ELMO1: variants seen among roughly 807,000 people sequenced by gnomAD.
ELMO1 encodes engulfment and cell motility 1.
In ELMO1, 26 loss-of-function variants were observed where a neutral mutation model predicts 98.9. That is an observed-to-expected ratio of 0.26 (90% CI 0.19 to 0.36). ELMO1 has a LOEUF of 0.36. Among genes scored for constraint, ELMO1 ranks in the 10% least tolerant of loss-of-function variants. ELMO1 has a pLI of 1.00. For missense variants in ELMO1, 627 were observed against 935.2 expected (o/e 0.67, Z 4.30); for synonymous variants, 346 against 346.0 (o/e 1.00, Z 0.00).
intron 15 of ELMO1, among the ~76,000 whole-genome samples, chr7:37,022,533 A>G (rs911405983): frequency 6.6e-6 from 1 of 152,256 alleles, no homozygotes; most frequent in Non-Finnish European, 1.5e-5. Context: ...ACAATGAGCT[A>G]CTTTTAAACA....
chr7:36,861,762 C>A, intron 20 of ELMO1, 26 bp from the exon 21 acceptor site: 1 of 1,608,318 alleles, frequency 6.2e-7, no homozygotes, highest in South Asian at 1.1e-5. Context: ...GAAAACAGCA[C>A]CTTAAGGAAA....
chr7:37,040,145 CA>C (rs34126656), intron 15 of ELMO1, among the ~76,000 whole-genome samples: 18,827 of 152,024 alleles, frequency 0.12, 1,570 homozygotes, highest in African/African-American at 0.25. Context: ...CTACTTAATT[CA>C]AATTTAAATA....
At chr7:37,405,214 T>C (rs985699469) in intron 1 of ELMO1, among the ~76,000 whole-genome samples, 16 of 142,124 alleles carry the variant, frequency 1.1e-4, no homozygotes, top group African/African-American at 3.9e-4. Flanking sequence ...ACAACAACAA[T>C]GGGGAAAAAA....
At chr7:37,386,593 G>A (rs118070154) in intron 1 of ELMO1, among the ~76,000 whole-genome samples, 1 of 145,564 alleles carries the variant, frequency 6.9e-6, no homozygotes, top group South Asian at 2.3e-4. Flanking sequence ...CCACACTCAG[G>A]TCAGGTTTAG....
intron 10 of ELMO1, chr7:37,217,838 T>A (rs1025562738): frequency 2.4e-5 from 11 of 455,796 alleles, no homozygotes; most frequent in Non-Finnish European, 4.0e-5. Context: ...CTGTTAGAGG[T>A]TGACCACTGT....
intron 10 of ELMO1, among the ~76,000 whole-genome samples, chr7:37,220,655 C>A (rs780128459): frequency 6.6e-6 from 1 of 152,094 alleles, no homozygotes; most frequent in Admixed American, 6.5e-5. Flanking sequence ...CCTATTTGTC[C>A]ATGGTCATGA....
intron 21 of ELMO1, among the ~76,000 whole-genome samples, chr7:36,859,111 GAA>G (rs1562775504): frequency 6.6e-6 from 1 of 152,084 alleles, no homozygotes; most frequent in Admixed American, 6.6e-5. Context: ...CAGAGAGAGA[GAA>G]AGAGAAACCT....
At chr7:37,294,956 G>T (rs1014240414) in intron 4 of ELMO1, among the ~76,000 whole-genome samples, 6 of 150,104 alleles carry the variant, frequency 4.0e-5, no homozygotes, top group Non-Finnish European at 7.4e-5. Flanking sequence ...GCCACAATCC[G>T]CCATCGCACT....
At position 37,033,247 on chromosome 7, in the gene ELMO1, G is replaced by A. The variant is rs146620820; in HGVS notation, c.1301-19812C>T. On this transcript the variant is annotated intron_variant, in intron 15 of 21. Coordinates refer to ENST00000310758, the MANE Select transcript of ELMO1 (RefSeq NM_014800.11). Reference sequence around the variant, plus strand: ...TAAACGGAGCAGGAGGAGCGCAGACGGGCTAAGTCCAAATTGTTCCCCCTT... The same window carrying A: ...TAAACGGAGCAGGAGGAGCGCAGACAGGCTAAGTCCAAATTGTTCCCCCTT... The A allele has an allele frequency of 4.3e-3, 1,647 of 381,202 alleles. 9 individuals carry two copies. Among genetic ancestry groups the A allele is most frequent in the Admixed American group, 7.3e-3 (228 of 31,048 alleles). The allele number at this position is 381,202 out of a possible 1,614,324, so 23.6% of individuals were successfully genotyped here.
chr7:37,408,402 G>A (rs1803863738), intron 1 of ELMO1, among the ~76,000 whole-genome samples: 1 of 152,256 alleles, frequency 6.6e-6, no homozygotes, highest in Admixed American at 6.5e-5. Flanking sequence ...GCATTTCAAC[G>A]AGATTCTGCT....
At chr7:37,258,700 C>T (rs1330087154) in intron 6 of ELMO1, among the ~76,000 whole-genome samples, 6 of 152,222 alleles carry the variant, frequency 3.9e-5, no homozygotes, top group Admixed American at 2.6e-4. Context: ...TTTAAAATTA[C>T]TTCAGGGATT....
At position 37,113,765 on chromosome 7, in the gene ELMO1, G is replaced by A. The variant is rs183528230; in HGVS notation, c.1192-17038C>T. ...AAATGAGGCCATTAGGGTAGGGTCC[G>A]AATCCAGTATGATTGGTGTTCTCAT... On this transcript the variant is annotated intron_variant, in intron 14 of 21. Coordinates refer to ENST00000310758, the MANE Select transcript of ELMO1 (RefSeq NM_014800.11). Among the ~76,000 whole-genome samples, 49 of 152,314 alleles carry A rather than the reference G, an allele frequency of 3.2e-4. No individual in the cohort carries two copies. The East Asian group carries it at 7.7e-3, about 24-fold the overall frequency.
At chr7:37,409,236 T>G (rs1321787821) in intron 1 of ELMO1, among the ~76,000 whole-genome samples, 1 of 152,174 alleles carries the variant, frequency 6.6e-6, no homozygotes, top group Non-Finnish European at 1.5e-5. Context: ...TGCTGACATC[T>G]ATTAAATAAC....
In ELMO1 at chr7:37,165,278, G is replaced by A. The variant is rs561905879; in HGVS notation, c.1087-32044C>T. ...TTCTAGATATTCAATCATGTCATCT[G>A]CAAACAGGGACAATTTGACTTCCTC... On this transcript the variant is annotated intron_variant, in intron 13 of 21. Coordinates refer to ENST00000310758, the MANE Select transcript of ELMO1 (RefSeq NM_014800.11). 6.6e-3 allele frequency among the ~76,000 whole-genome samples: 1,007 copies of A among 152,174 alleles called. 6 individuals are homozygous for A. The highest frequency in any genetic ancestry group is 0.011 in the Non-Finnish European group (714 of 67,994).
chr7:37,304,758 C>T (rs760464750), intron 4 of ELMO1, among the ~76,000 whole-genome samples: 10 of 152,024 alleles, frequency 6.6e-5, no homozygotes, highest in Non-Finnish European at 1.5e-4. Flanking sequence ...TCTTGGTTCA[C>T]GATTTCTGTG....
At chr7:37,078,477 C>A (rs1183311422) in intron 15 of ELMO1, among the ~76,000 whole-genome samples, 1 of 152,172 alleles carries the variant, frequency 6.6e-6, no homozygotes, top group Non-Finnish European at 1.5e-5. Context: ...CCAAATCCCA[C>A]CATCTCAGTT....
At chr7:37,294,262 C>T (rs1232956366) in intron 4 of ELMO1, among the ~76,000 whole-genome samples, 10 of 151,648 alleles carry the variant, frequency 6.6e-5, no homozygotes, top group Non-Finnish European at 1.5e-4. Flanking sequence ...GAGGCTGAGA[C>T]AGGAGAATCC....
intron 16 of ELMO1, among the ~76,000 whole-genome samples, chr7:36,965,250 C>T (rs887135295): frequency 6.6e-5 from 10 of 152,164 alleles, no homozygotes. Flanking sequence ...CCGCTGCCTC[C>T]CTGAGGACAG....
intron 13 of ELMO1, among the ~76,000 whole-genome samples, chr7:37,171,252 C>T (rs1751257235): frequency 6.6e-6 from 1 of 151,942 alleles, no homozygotes; most frequent in African/African-American, 2.4e-5. Flanking sequence ...TCAATTCCTT[C>T]CTAAGAGATC....
Sources: allele counts gnomAD v4.1 joint callset (sites outside exome capture counted in the v4.1 genomes callset), GRCh38; gene constraint gnomAD v4.1.1; transcripts MANE v1.5; gene names NCBI Gene and HGNC (gene_info 2026-07-23, HGNC 2026-07-21).